CIMIP5: variants seen among roughly 807,000 people sequenced by gnomAD.
CIMIP5 encodes the protein uncharacterized protein C2orf50.
chr2:11,138,123 C>T, the CIMIP5 span, among the ~76,000 whole-genome samples: 6 of 152,304 alleles, frequency 3.9e-5, no homozygotes, highest in African/African-American at 7.2e-5. Flanking sequence ...GGATTACAGG[C>T]GTGAGCCACC....
chr2:11,137,095 G>A, the CIMIP5 span, among the ~76,000 whole-genome samples: 1 of 152,120 alleles, frequency 6.6e-6, no homozygotes, highest in African/African-American at 2.4e-5. Context: ...ACAAGAGGTC[G>A]GGCACAATCG....
chr2:11,153,255 C>T, the CIMIP5 span, among the ~76,000 whole-genome samples: 1 of 152,224 alleles, frequency 6.6e-6, no homozygotes, highest in Non-Finnish European at 1.5e-5. Flanking sequence ...GAGCAGGCGG[C>T]TGCAGTGTCC....
the CIMIP5 span, among the ~76,000 whole-genome samples, chr2:11,149,319 A>G: frequency 6.6e-6 from 1 of 152,144 alleles, no homozygotes; most frequent in African/African-American, 2.4e-5. Context: ...TTGCCAAAAA[A>G]AAAAAAAGTA....
chr2:11,139,944 G>A, the CIMIP5 span, among the ~76,000 whole-genome samples: 4 of 151,932 alleles, frequency 2.6e-5, no homozygotes, highest in Admixed American at 1.3e-4. Context: ...AAAATTAGCC[G>A]GGTGTGGTGG....
the CIMIP5 span, chr2:11,140,364 G>A: frequency 4.6e-6 from 2 of 435,974 alleles, no homozygotes; most frequent in Non-Finnish European, 3.8e-6. Context: ...GACAGAGTGA[G>A]CCTCCGTCTT....
the CIMIP5 span, chr2:11,140,396 AAATTAT>A: frequency 1.6e-6 from 1 of 615,844 alleles, no homozygotes; most frequent in Non-Finnish European, 2.5e-6. Context: ...AAAAAAAAAA[AAATTAT>A]TTAGTTCTTC....
chr2:11,142,330 T>G, the CIMIP5 span, among the ~76,000 whole-genome samples: 4 of 150,028 alleles, frequency 2.7e-5, no homozygotes, highest in Admixed American at 2.7e-4. Flanking sequence ...ATATGGAAAG[T>G]CACTCGAGGG....
At chr2:11,137,646 A>C in the CIMIP5 span, among the ~76,000 whole-genome samples, 1 of 152,202 alleles carries the variant, frequency 6.6e-6, no homozygotes, top group Non-Finnish European at 1.5e-5. Context: ...GAAATGCATG[A>C]GTCCACAGAT....
At chr2:11,133,316 AC>A in the CIMIP5 span, 1 of 1,568,410 alleles carries the variant, frequency 6.4e-7, no homozygotes, top group Non-Finnish European at 8.5e-7. Context: ...AAGCGCACAC[AC>A]ACACACACAC....
the CIMIP5 span, chr2:11,146,715 A>C: frequency 2.0e-5 from 3 of 152,202 alleles, no homozygotes; most frequent in African/African-American, 4.8e-5. Context: ...AGTGTCTGAC[A>C]TGGAAGCTGG....
the CIMIP5 span, among the ~76,000 whole-genome samples, chr2:11,137,276 C>T: frequency 3.3e-5 from 5 of 152,052 alleles, no homozygotes; most frequent in African/African-American, 1.2e-4. Flanking sequence ...AGGAGGCTGA[C>T]GCAGGGAGAA....
chr2:11,137,304 G>T, the CIMIP5 span, among the ~76,000 whole-genome samples: 1 of 152,094 alleles, frequency 6.6e-6, no homozygotes, highest in Non-Finnish European at 1.5e-5. Context: ...AACCCGGCAG[G>T]CAGAGGCTGC....
chr2:11,135,096 C>T, the CIMIP5 span, among the ~76,000 whole-genome samples: 23,423 of 152,034 alleles, frequency 0.15, 5,147 homozygotes, highest in African/African-American at 0.49. Flanking sequence ...AAGAGCTCAT[C>T]CATTACCGCA....
At chr2:11,152,656 C>A in the CIMIP5 span, among the ~76,000 whole-genome samples, 1 of 152,090 alleles carries the variant, frequency 6.6e-6, no homozygotes, top group Non-Finnish European at 1.5e-5. Flanking sequence ...CATGGGGGCA[C>A]TATCTTGTCC....
chr2:11,144,126 G>A, the CIMIP5 span: 1 of 1,552,948 alleles, frequency 6.4e-7, no homozygotes, highest in Non-Finnish European at 8.7e-7. Flanking sequence ...AAGGAGGGCT[G>A]GGCTGGCCTT....
the CIMIP5 span, among the ~76,000 whole-genome samples, chr2:11,139,354 G>C: frequency 6.6e-6 from 1 of 152,192 alleles, no homozygotes; most frequent in African/African-American, 2.4e-5. Context: ...GCTGGCAAAG[G>C]TTTGACTCTA....
chr2:11,139,188 G>T, the CIMIP5 span, among the ~76,000 whole-genome samples: 2 of 152,134 alleles, frequency 1.3e-5, no homozygotes, highest in African/African-American at 4.8e-5. Context: ...AAAGTGCTGG[G>T]ATTACAGGCG....
At chr2:11,146,075 A>T in the CIMIP5 span, 1 of 152,332 alleles carries the variant, frequency 6.6e-6, no homozygotes, top group East Asian at 1.9e-4. Flanking sequence ...GCAGGACCCC[A>T]GCCGTGGCCT....
At chr2:11,137,032 T>C in the CIMIP5 span, among the ~76,000 whole-genome samples, 1 of 152,208 alleles carries the variant, frequency 6.6e-6, no homozygotes, top group African/African-American at 2.4e-5. Context: ...GGAAATACAA[T>C]GTGAGCCACA....
Sources: allele counts gnomAD v4.1 joint callset (sites outside exome capture counted in the v4.1 genomes callset), GRCh38; gene constraint gnomAD v4.1.1; transcripts MANE v1.5; gene names NCBI Gene and HGNC (gene_info 2026-07-23, HGNC 2026-07-21).